The following DNAH11 variants were observed in gnomAD, a reference collection of about 807,000 sequenced individuals.
DNAH11 encodes dynein axonemal heavy chain 11.
DNAH11 carries 442 observed loss-of-function variants against 526.0 expected under a neutral mutation model. The ratio of observed to expected loss-of-function variants is 0.84; its 90% CI spans 0.78 to 0.91. The LOEUF (loss-of-function observed/expected upper bound fraction) is 0.91, where lower values mean the gene tolerates loss of function less well. Among genes scored for constraint, DNAH11 ranks in the 40% least tolerant of loss-of-function variants. DNAH11 has a pLI of 0.00. For missense variants in DNAH11, 6,989 were observed against 5,448.7 expected, an observed-to-expected ratio of 1.28 and a Z score of -8.90; for synonymous variants, 2,461 against 1,935.9, an observed-to-expected ratio of 1.27 and a Z score of -7.12.
At chr7:21,891,974 G>C (rs371958383) in intron 76 of DNAH11, among the ~76,000 whole-genome samples, 3 of 152,090 alleles carry the variant, frequency 2.0e-5, no homozygotes, top group East Asian at 3.9e-4. Context: ...GTGCCCTGGG[G>C]AAGTACAGGC....
At chr7:21,591,606 T>G in intron 14 of DNAH11, 29 bp downstream of exon 14, 1 of 1,499,534 alleles carries the variant, frequency 6.7e-7, no homozygotes, top group African/African-American at 1.4e-5. Context: ...TCAAGATTTA[T>G]AGATCTTTTC....
At chr7:21,681,713 T>A in intron 31 of DNAH11, 36 bp downstream of exon 31, 1 of 1,612,888 alleles carries the variant, frequency 6.2e-7, no homozygotes, top group Non-Finnish European at 8.5e-7. Flanking sequence ...TATTCATTAT[T>A]GTTTCCTGAA....
intron 37 of DNAH11, among the ~76,000 whole-genome samples, chr7:21,703,195 A>G (rs1276011150): frequency 6.6e-6 from 1 of 152,200 alleles, no homozygotes; most frequent in Non-Finnish European, 1.5e-5. Context: ...CATGGGACCT[A>G]AGATGGACAT....
intron 65 of DNAH11, among the ~76,000 whole-genome samples, chr7:21,825,904 A>G (rs939834621): frequency 6.6e-6 from 1 of 151,222 alleles, no homozygotes; most frequent in African/African-American, 2.4e-5. Context: ...GCTCGCAGTG[A>G]GCCAAGATGG....
At chr7:21,889,214 A>G (rs1424428896) in intron 76 of DNAH11, among the ~76,000 whole-genome samples, 1 of 152,248 alleles carries the variant, frequency 6.6e-6, no homozygotes, top group African/African-American at 2.4e-5. Flanking sequence ...GCCATGCTGT[A>G]GCATATATCA....
chr7:21,742,027 C>T lies in DNAH11; in HGVS notation c.8015C>T (p.Ala2672Val), dbSNP rs1339423010. Residue 2672 changes from alanine to valine, a missense_variant, in exon 49 of 82, where the codon GCT becomes GTT. By Grantham distance (64) the Ala-to-Val change is moderately conservative. Transcript: ENST00000409508. ...TTCCATTTCCAACAGCAAGCATTTGCTCCATCAATTCTCAGGAGTGGCCCC... is the reference window on the plus strand; with the variant it reads ...TTCCATTTCCAACAGCAAGCATTTGTTCCATCAATTCTCAGGAGTGGCCCC... The part of the protein sequence containing the change: ...FSFHFQQQAF[A>V]PSILRSGPTL... The T allele has an allele frequency of 1.9e-6, 3 of 1,613,824 alleles. No individual in the cohort carries two copies. The highest frequency in any genetic ancestry group is 1.3e-5 in the African/African-American group (1 of 74,918).
At position 21,600,923 on chromosome 7, in the gene DNAH11, A is replaced by C; in HGVS notation, c.3248A>C (p.Lys1083Thr). ...PEQPPTLEQFKEQIDIYEALY... is the reference protein window; with the variant it reads ...PEQPPTLEQFTEQIDIYEALY... ...CAACCACCAACTCTTGAGCAATTCA[A>C]AGAACAGGCAAGGAAAACCCTTAGC... Residue 1083 changes from lysine (K) to threonine (T), a missense_variant, in exon 16 of 82, where the codon AAA becomes ACA. Physicochemically the swap from Lys to Thr is moderately conservative, Grantham distance 78. Transcript: ENST00000409508. The C allele has an allele frequency of 6.2e-7, 1 of 1,613,612 alleles. No individual in the cohort carries two copies. Among genetic ancestry groups the C allele is most frequent in the Non-Finnish European group, 8.5e-7 (1 of 1,179,690 alleles).
chr7:21,762,599 G>T (rs1786970842), intron 54 of DNAH11, among the ~76,000 whole-genome samples: 1 of 152,142 alleles, frequency 6.6e-6, no homozygotes, highest in Non-Finnish European at 1.5e-5. Context: ...GGCTTGTTAA[G>T]TTAGCACATG....
intron 66 of DNAH11, among the ~76,000 whole-genome samples, chr7:21,843,626 A>G (rs1463625300): frequency 1.3e-5 from 2 of 151,864 alleles, no homozygotes; most frequent in South Asian, 2.1e-4. Context: ...GACTACAGGC[A>G]TGCACCACCA....
chr7:21,635,202 CT>C (rs1216942377), intron 25 of DNAH11, among the ~76,000 whole-genome samples: 11 of 152,136 alleles, frequency 7.2e-5, no homozygotes, highest in South Asian at 2.1e-4. Context: ...GTTGCCCAGG[CT>C]TGGAGTGCAG....
chr7:21,763,371 C>T (rs1411343356), intron 54 of DNAH11, among the ~76,000 whole-genome samples: 2 of 109,226 alleles, frequency 1.8e-5, no homozygotes, highest in Admixed American at 8.8e-5. Flanking sequence ...AAAAAAAAGA[C>T]TTACAAATAT....
chr7:21,712,588 C>T (rs1227087954), intron 42 of DNAH11, among the ~76,000 whole-genome samples: 1 of 152,162 alleles, frequency 6.6e-6, no homozygotes, highest in Non-Finnish European at 1.5e-5. Flanking sequence ...TGAGGTGATA[C>T]CTCATTTTAA....
intron 25 of DNAH11, among the ~76,000 whole-genome samples, chr7:21,623,240 A>C (rs994260308): frequency 6.6e-6 from 1 of 152,170 alleles, no homozygotes; most frequent in African/African-American, 2.4e-5. Context: ...GCCATCAGAG[A>C]AATGCAAATC....
chr7:21,727,023 T>A, intron 45 of DNAH11, among the ~76,000 whole-genome samples: 1 of 119,472 alleles, frequency 8.4e-6, no homozygotes, highest in African/African-American at 3.3e-5. Context: ...AAGATCCACC[T>A]CCGGGGTTCA....
rs141624083 is a variant in DNAH11, at chr7:21,572,013, A to G, written c.1593+40A>G. On this transcript the variant is annotated intron_variant, in intron 8 of 81. Coordinates refer to ENST00000409508, the MANE Select transcript of DNAH11 (RefSeq NM_001277115.2). ...TTGCATTTTCATTGCATGGGATCCT[A>G]TAATTTTATAGCTGAAAAGGAAGAT... 473 of 1,429,538 alleles carry G rather than the reference A, an allele frequency of 3.3e-4. 5 individuals are homozygous for G. The East Asian group carries it at 0.011, about 33-fold the overall frequency. The allele number at this position is 1,429,538 out of a possible 1,614,324, so 88.6% of individuals were successfully genotyped here.
intron 61 of DNAH11, among the ~76,000 whole-genome samples, chr7:21,800,542 G>T (rs3735522): frequency 1.3e-5 from 2 of 151,966 alleles, no homozygotes; most frequent in Non-Finnish European, 2.9e-5. Flanking sequence ...TGAGGCGCAG[G>T]AATCACTTGA....
chr7:21,558,989 C>G lies in DNAH11; in HGVS notation c.683C>G (p.Ser228Ter). 1.3e-6 allele frequency: 2 copies of G among 1,575,994 alleles called. No individual in the cohort carries two copies. The highest frequency in any genetic ancestry group is 1.7e-6 in the Non-Finnish European group (2 of 1,159,452). Residue 228 changes from serine to a stop codon, truncating the protein, a stop_gained, in exon 3 of 82, where the codon TCA becomes TGA. Transcript: ENST00000409508. LOFTEE classifies it high-confidence loss of function. ...AGKMDLDQNC[S>*]ENKPPSNERI... is the part of the protein sequence containing the mutation. ...AAGATGGATCTGGATCAGAATTGTT[C>G]AGAGAACAAGTACGTAACAGTACAA...
intron 65 of DNAH11, among the ~76,000 whole-genome samples, chr7:21,818,736 T>C (rs1209818675): frequency 6.6e-6 from 1 of 152,188 alleles, no homozygotes; most frequent in Admixed American, 6.6e-5. Flanking sequence ...CCATTCACTA[T>C]TTTTTAAAAT....
intron 2 of DNAH11, among the ~76,000 whole-genome samples, chr7:21,548,988 TCTC>T (rs983527640): frequency 1.3e-5 from 2 of 151,950 alleles, no homozygotes; most frequent in Non-Finnish European, 2.9e-5. Flanking sequence ...TTCAAGCAAT[TCTC>T]CTACCTCAGC....
Sources: allele counts gnomAD v4.1 joint callset (sites outside exome capture counted in the v4.1 genomes callset), GRCh38; gene constraint gnomAD v4.1.1; transcripts MANE v1.5; gene names NCBI Gene and HGNC (gene_info 2026-07-23, HGNC 2026-07-21).